Variants in DLEU7 observed in about 807,000 individuals in gnomAD.
DLEU7 encodes leukemia-associated protein 7.
A neutral mutation model predicts 16.0 loss-of-function variants in DLEU7; 17 were observed. That is an observed-to-expected ratio of 1.06 (90% CI 0.73 to 1.59). The LOEUF is 1.59. DLEU7 is among the 40% of genes most tolerant of loss of function. DLEU7 has a pLI of 0.00. For missense variants in DLEU7, 308 were observed against 314.9 expected (o/e 0.98, Z 0.17); for synonymous variants, 113 against 139.8 (o/e 0.81, Z 1.35).
chr13:50,793,573 G>A lies in DLEU7; in HGVS notation c.459+49615C>T, dbSNP rs377364643. Reference sequence around the variant, plus strand: ...GACTGGTATGAAATATCTCATTACAGTTTTAATTTGCACTTCTCTGATGAT... The same window carrying A: ...GACTGGTATGAAATATCTCATTACAATTTTAATTTGCACTTCTCTGATGAT... On this transcript the variant is annotated intron_variant, in intron 1 of 1. Transcript: ENST00000400393. Among the ~76,000 whole-genome samples the A allele has an allele frequency of 2.0e-5, 3 of 152,316 alleles. 1 individual carries two copies.
At chr13:50,743,096 A>G (rs1874296875) in intron 1 of DLEU7, among the ~76,000 whole-genome samples, 1 of 152,134 alleles carries the variant, frequency 6.6e-6, no homozygotes, top group Non-Finnish European at 1.5e-5. Context: ...TTCCCTTTAA[A>G]TAGCCCTGTG....
chr13:50,751,656 C>CTAGGA (rs1874565965), intron 1 of DLEU7, among the ~76,000 whole-genome samples: 2 of 152,100 alleles, frequency 1.3e-5, no homozygotes, highest in Non-Finnish European at 1.5e-5. Context: ...CTGAATTAAG[C>CTAGGA]TAGGAGGGCT....
intron 1 of DLEU7, among the ~76,000 whole-genome samples, chr13:50,815,283 A>C (rs1042260463): frequency 6.6e-6 from 1 of 152,168 alleles, no homozygotes; most frequent in African/African-American, 2.4e-5. Context: ...ATTGCACGTC[A>C]TTCTGAAATT....
chr13:50,774,450 T>C (rs1343301519), intron 1 of DLEU7, among the ~76,000 whole-genome samples: 1 of 152,226 alleles, frequency 6.6e-6, no homozygotes, highest in Non-Finnish European at 1.5e-5. Context: ...GTCTTCTAGC[T>C]TCATTTTGTC....
intron 1 of DLEU7, among the ~76,000 whole-genome samples, chr13:50,738,810 TG>T (rs1431335596): frequency 6.6e-6 from 1 of 152,058 alleles, no homozygotes; most frequent in East Asian, 1.9e-4. Context: ...GTATCTGAGG[TG>T]TACTGTGTTG....
chr13:50,766,916 T>G (rs757616509), intron 1 of DLEU7, among the ~76,000 whole-genome samples: 10 of 150,738 alleles, frequency 6.6e-5, no homozygotes, highest in Non-Finnish European at 1.2e-4. Context: ...AGAAGACAGC[T>G]GGAGTGGAGA....
chr13:50,821,021 G>A (rs1346286613), downstream of DLEU7, among the ~76,000 whole-genome samples: 4 of 151,976 alleles, frequency 2.6e-5, no homozygotes, highest in Non-Finnish European at 4.4e-5. Flanking sequence ...AGCCACGTGC[G>A]GCCAGTGCTA....
At chr13:50,754,165 G>GTTCT (rs1244364822) in intron 1 of DLEU7, among the ~76,000 whole-genome samples, 14 of 152,168 alleles carry the variant, frequency 9.2e-5, no homozygotes, top group Non-Finnish European at 1.3e-4. Flanking sequence ...TGGATGAAAT[G>GTTCT]TTCTGTATAT....
intron 1 of DLEU7, among the ~76,000 whole-genome samples, chr13:50,805,545 AT>A (rs1282989997): frequency 1.1e-4 from 16 of 151,766 alleles, no homozygotes; most frequent in East Asian, 5.8e-4. Context: ...CATATGTTTG[AT>A]TTTTTTATAT....
chr13:50,832,628 A>G (rs188536233), intron 1 of DLEU7, among the ~76,000 whole-genome samples: 1 of 152,144 alleles, frequency 6.6e-6, no homozygotes, highest in Admixed American at 6.5e-5. Flanking sequence ...AGTGCTATAA[A>G]TTTCCCTCTA....
intron 1 of DLEU7, among the ~76,000 whole-genome samples, chr13:50,837,747 A>G (rs1294325497): frequency 6.6e-6 from 1 of 152,172 alleles, no homozygotes; most frequent in Admixed American, 6.5e-5. Flanking sequence ...GCCAATAGGA[A>G]AAAGATTTGA....
At chr13:50,732,441 T>G (rs1873937395) in intron 1 of DLEU7, among the ~76,000 whole-genome samples, 1 of 152,012 alleles carries the variant, frequency 6.6e-6, no homozygotes, top group Non-Finnish European at 1.5e-5. Flanking sequence ...AAACCCCATG[T>G]CTAATAAAAA....
At chr13:50,829,256 G>T (rs1280746877) in intron 1 of DLEU7, among the ~76,000 whole-genome samples, 1 of 152,158 alleles carries the variant, frequency 6.6e-6, no homozygotes, top group Admixed American at 6.5e-5. Context: ...TAGGGAATGG[G>T]AAAGTAGGAG....
chr13:50,725,023 C>T (rs918116125), intron 1 of DLEU7, among the ~76,000 whole-genome samples: 22 of 152,284 alleles, frequency 1.4e-4, no homozygotes, highest in East Asian at 5.8e-4. Context: ...TTCCAAACAA[C>T]GCTAATATCA....
chr13:50,727,868 C>G (rs1873808840), intron 1 of DLEU7, among the ~76,000 whole-genome samples: 1 of 152,240 alleles, frequency 6.6e-6, no homozygotes, highest in Non-Finnish European at 1.5e-5. Context: ...TCCCCAGCCT[C>G]TTCCAGAATG....
intron 1 of DLEU7, among the ~76,000 whole-genome samples, chr13:50,767,252 G>A (rs1402820065): frequency 6.6e-6 from 1 of 151,986 alleles, no homozygotes; most frequent in Non-Finnish European, 1.5e-5. Context: ...TCAGGAGATC[G>A]AGACCATCCT....
chr13:50,815,873 A>C (rs1276408043), intron 1 of DLEU7, among the ~76,000 whole-genome samples: 1 of 151,952 alleles, frequency 6.6e-6, no homozygotes, highest in Non-Finnish European at 1.5e-5. Context: ...AAACTACCCC[A>C]CTTTTTTATG....
intron 1 of DLEU7, among the ~76,000 whole-genome samples, chr13:50,815,961 A>G (rs1447340728): frequency 6.6e-6 from 1 of 152,144 alleles, no homozygotes; most frequent in Non-Finnish European, 1.5e-5. Flanking sequence ...TTATAATATA[A>G]AGTGGGTATC....
At chr13:50,736,047 C>A (rs1874060913) in intron 1 of DLEU7, among the ~76,000 whole-genome samples, 2 of 152,150 alleles carry the variant, frequency 1.3e-5, no homozygotes, top group African/African-American at 2.4e-5. Flanking sequence ...CATGAAAATA[C>A]ATGCGTGTGT....
Sources: allele counts gnomAD v4.1 joint callset (sites outside exome capture counted in the v4.1 genomes callset), GRCh38; gene constraint gnomAD v4.1.1; transcripts MANE v1.5; gene names NCBI Gene and HGNC (gene_info 2026-07-23, HGNC 2026-07-21).